The following CAMSAP2 variants were observed in gnomAD, a reference collection of about 807,000 sequenced individuals.
CAMSAP2 encodes the protein calmodulin regulated spectrin associated protein family member 2.
A neutral mutation model predicts 146.1 loss-of-function variants in CAMSAP2; 26 were observed. The observed-to-expected ratio is 0.18, with a 90% CI of 0.13 to 0.25. CAMSAP2 has a LOEUF of 0.25. CAMSAP2 is among the 10% of genes least tolerant of loss of function. CAMSAP2 has a pLI of 1.00. For missense variants in CAMSAP2, 1,381 were observed against 1,759.3 expected (o/e 0.78, Z 3.85); for synonymous variants, 499 against 596.6 (o/e 0.84, Z 2.38).
chr1:200,834,792 G>A (rs940994082), intron 6 of CAMSAP2, among the ~76,000 whole-genome samples: 2 of 152,118 alleles, frequency 1.3e-5, no homozygotes, highest in African/African-American at 4.8e-5. Context: ...CACATGTGTA[G>A]TACCAGCTAC....
chr1:200,807,634 A>G lies in CAMSAP2; in HGVS notation c.561+97A>G, dbSNP rs535414543. On this transcript the variant is annotated intron_variant, in intron 3 of 16. Transcript: ENST00000358823. ...CACTTCATTACTCTTTTTGTTTCAAATCAAAGTGCAAACTTAAGTTGTAAA... is the reference window on the plus strand; with the variant it reads ...CACTTCATTACTCTTTTTGTTTCAAGTCAAAGTGCAAACTTAAGTTGTAAA... The G allele has an allele frequency of 3.1e-5, 29 of 921,436 alleles. No individual in the cohort carries two copies. In the South Asian group the frequency reaches 1.1e-3, roughly 34 times the overall value. The allele number at this position is 921,436 out of a possible 1,614,324, so 57.1% of individuals were successfully genotyped here. A position where few individuals can be genotyped will look rare whatever the true frequency, so the allele number is the denominator to read the frequency against.
rs558163466 is a variant in CAMSAP2, at chr1:200,859,293, C to T, written c.*1234C>T. ...GTGTTGTGACAAATGTGTAAACTAG[C>T]GGGGGAAGACAGTATTGTATCATAA... On this transcript the variant is annotated 3_prime_UTR_variant, in exon 17 of 17. Coordinates refer to ENST00000358823, the MANE Select transcript of CAMSAP2 (RefSeq NM_203459.4). 12 of 152,548 alleles carry T rather than the reference C, an allele frequency of 7.9e-5. No homozygotes were observed. The highest frequency in any genetic ancestry group is 2.2e-4 in the African/African-American group (9 of 41,508). 9.4% of individuals were successfully genotyped at this position (152,548 alleles called of 1,614,324 possible).
chr1:200,821,032 G>A (rs1172144117), intron 4 of CAMSAP2, among the ~76,000 whole-genome samples: 1 of 152,008 alleles, frequency 6.6e-6, no homozygotes, highest in Admixed American at 6.6e-5. Context: ...TTGACTCTTA[G>A]ATTTACCTCG....
chr1:200,767,870 T>C (rs1665001898), intron 2 of CAMSAP2, among the ~76,000 whole-genome samples: 1 of 152,230 alleles, frequency 6.6e-6, no homozygotes, highest in Non-Finnish European at 1.5e-5. Context: ...TGTTACAAAT[T>C]CACAATATCT....
chr1:200,775,810 C>T (rs1013261669), intron 2 of CAMSAP2, among the ~76,000 whole-genome samples: 8 of 152,090 alleles, frequency 5.3e-5, no homozygotes, highest in Non-Finnish European at 1.2e-4. Flanking sequence ...GGATTATGGG[C>T]ATGAGCCACT....
chr1:200,768,632 G>A (rs1665025391), intron 2 of CAMSAP2, among the ~76,000 whole-genome samples: 1 of 152,020 alleles, frequency 6.6e-6, no homozygotes, highest in African/African-American at 2.4e-5. Flanking sequence ...TTTATTAGTA[G>A]GGTTGAGTGG....
intron 1 of CAMSAP2, among the ~76,000 whole-genome samples, chr1:200,740,837 T>TA (rs1161023510): frequency 2.6e-5 from 4 of 152,246 alleles, no homozygotes; most frequent in African/African-American, 4.8e-5. Flanking sequence ...TGTGAAATGT[T>TA]AAAAAAATTA....
At chr1:200,763,525 A>G (rs544717868) in intron 2 of CAMSAP2, among the ~76,000 whole-genome samples, 6 of 152,144 alleles carry the variant, frequency 3.9e-5, no homozygotes, top group Admixed American at 2.6e-4. Flanking sequence ...ACTGGGCGAC[A>G]GAGTGAGACT....
chr1:200,847,251 C>T lies in CAMSAP2; in HGVS notation c.1151C>T (p.Pro384Leu), dbSNP rs1667481287. 1 of 1,612,430 alleles carries T rather than the reference C, an allele frequency of 6.2e-7. No homozygotes were observed. ...ATFTQSHHHL[P>L]SRYSRPQAHS... ...TTTACACAGTCTCATCATCATTTGC[C>T]TTCTAGGTATTCACGTCCCCAGGCT... Residue 384 changes from proline (P) to leucine (L), a missense_variant, in exon 9 of 17, where the codon CCT becomes CTT. By Grantham distance (98) the Pro-to-Leu change is moderately conservative. This residue lies in a region of CAMSAP2 where 447 missense variants were observed against 462.2 expected (regional missense o/e 0.97). Coordinates refer to ENST00000358823, the MANE Select transcript of CAMSAP2 (RefSeq NM_203459.4).
At chr1:200,823,501 T>A (rs1666826632) in intron 4 of CAMSAP2, among the ~76,000 whole-genome samples, 1 of 152,206 alleles carries the variant, frequency 6.6e-6, no homozygotes, top group African/African-American at 2.4e-5. Flanking sequence ...TTTTTAAATA[T>A]TTGTCAGGTG....
At chr1:200,808,610 C>T (rs1666243428) in intron 3 of CAMSAP2, among the ~76,000 whole-genome samples, 1 of 152,170 alleles carries the variant, frequency 6.6e-6, no homozygotes, top group South Asian at 2.1e-4. Flanking sequence ...AGTAATCTTT[C>T]CCTGACTCCT....
chr1:200,800,684 G>A (rs1303458520), intron 2 of CAMSAP2, among the ~76,000 whole-genome samples: 2 of 152,132 alleles, frequency 1.3e-5, no homozygotes, highest in African/African-American at 4.8e-5. Flanking sequence ...ATATTGTTAT[G>A]TGTGAATTTT....
intron 2 of CAMSAP2, among the ~76,000 whole-genome samples, chr1:200,781,031 A>G (rs953578430): frequency 1.3e-5 from 2 of 152,228 alleles, no homozygotes; most frequent in African/African-American, 4.8e-5. Flanking sequence ...CAGCTGAAAG[A>G]AATGTGCTGA....
At chr1:200,835,243 C>T (rs1295601156) in intron 6 of CAMSAP2, among the ~76,000 whole-genome samples, 1 of 152,088 alleles carries the variant, frequency 6.6e-6, no homozygotes, top group Non-Finnish European at 1.5e-5. Context: ...CTACAGAATG[C>T]AAGTGTGTAA....
At chr1:200,817,109 CGTGTGTGT>C (rs1666586308) in intron 4 of CAMSAP2, among the ~76,000 whole-genome samples, 1 of 144,106 alleles carries the variant, frequency 6.9e-6, no homozygotes, top group Non-Finnish European at 1.5e-5. Flanking sequence ...TATACACACA[CGTGTGTGT>C]ATATACACGT....
chr1:200,782,919 G>A (rs748013367), intron 2 of CAMSAP2, among the ~76,000 whole-genome samples: 97 of 150,070 alleles, frequency 6.5e-4, no homozygotes, highest in Non-Finnish European at 2.8e-4. Context: ...CCCAAGTAGC[G>A]TGCACTACCA....
At chr1:200,828,885 C>T (rs6687580) in intron 4 of CAMSAP2, among the ~76,000 whole-genome samples, 309 of 151,846 alleles carry the variant, frequency 2.0e-3, no homozygotes, top group African/African-American at 6.7e-3. Context: ...GGGCCAGGTG[C>T]GGTGGCTCAC....
chr1:200,851,542 A>G (rs1032721901), intron 11 of CAMSAP2, among the ~76,000 whole-genome samples: 5 of 152,182 alleles, frequency 3.3e-5, no homozygotes, highest in African/African-American at 9.7e-5. Flanking sequence ...GTGTCTGGCA[A>G]ACTACAATAT....
intron 1 of CAMSAP2, among the ~76,000 whole-genome samples, chr1:200,758,294 T>G (rs1253662548): frequency 6.6e-6 from 1 of 152,236 alleles, no homozygotes; most frequent in Non-Finnish European, 1.5e-5. Context: ...CATTTTTTAC[T>G]GATACAGGAA....
Sources: gnomAD v4.1 joint callset for allele counts (sites outside exome capture counted in the v4.1 genomes callset) on GRCh38, gnomAD v4.1.1 for gene constraint, gnomAD v4.1.1 regional missense constraint, MANE v1.5 for transcripts, NCBI Gene and HGNC (gene_info 2026-07-23, HGNC 2026-07-21) for gene names.